The following DGKH variants were observed in gnomAD, a reference collection of about 807,000 sequenced individuals.
DGKH encodes DAG kinase eta.
A neutral mutation model predicts 159.3 loss-of-function variants in DGKH; 90 were observed. The observed-to-expected ratio is 0.57, with a 90% confidence interval of 0.48 to 0.67. The LOEUF (loss-of-function observed/expected upper bound fraction) is 0.67. Among genes scored for constraint, DGKH ranks in the 30% least tolerant of loss-of-function variants. The pLI is 0.00. For synonymous variants in DGKH, 536 were observed against 553.8 expected, an observed-to-expected ratio of 0.97 and a Z score of 0.45; for missense variants, 1,181 against 1,506.1, an observed-to-expected ratio of 0.78 and a Z score of 3.57.
Position 42,178,161 on chromosome 13 carries a change from A to G in DGKH, c.1479A>G (p.Ala493=). ...TGACGATTTATGAAGACTCAGTTGCAACGCATCTTACAAAAATCCTCAATT... is the reference window on the plus strand; with the variant it reads ...TGACGATTTATGAAGACTCAGTTGCGACGCATCTTACAAAAATCCTCAATT... ...FYMTIYEDSV[A]THLTKILNSD... The change falls in exon 13 of 30, where the codon GCA becomes GCG. Residue 493 remains alanine (A), a synonymous_variant. Transcript: ENST00000337343. 1 of 1,608,462 alleles carries G rather than the reference A, an allele frequency of 6.2e-7. No homozygotes were observed. The highest frequency in any genetic ancestry group is 1.1e-5 in the South Asian group (1 of 90,296).
chr13:42,040,665 C>T (rs1269512517), intron 1 of DGKH, among the ~76,000 whole-genome samples: 2 of 149,710 alleles, frequency 1.3e-5, no homozygotes, highest in South Asian at 2.1e-4. Context: ...GAGGAGGCGG[C>T]GGAGGAGGAA....
rs539766445 is a variant in DGKH at position 42,166,355 on chromosome 13, T to C, written c.959-160T>C. Reference sequence around the variant, plus strand: ...AACATAAGAATTACATACAAACATATAGGTTTGTATGTAAATAGTTAACCT... The same window carrying C: ...AACATAAGAATTACATACAAACATACAGGTTTGTATGTAAATAGTTAACCT... On this transcript the variant is annotated intron_variant, in intron 8 of 29. Coordinates refer to ENST00000337343, the MANE Select transcript of DGKH (RefSeq NM_178009.5). Among the ~76,000 whole-genome samples, 4 of 152,232 alleles carry C rather than the reference T, an allele frequency of 2.6e-5. No individual in the cohort carries two copies. In the East Asian group the frequency reaches 5.8e-4, roughly 22 times the overall value.
chr13:42,122,191 G>T (rs1352610715), intron 1 of DGKH, among the ~76,000 whole-genome samples: 1 of 152,170 alleles, frequency 6.6e-6, no homozygotes, highest in Non-Finnish European at 1.5e-5. Flanking sequence ...GAATGAGAGG[G>T]CATGAGTGCT....
At chr13:42,103,080 T>C (rs1386224980) in intron 1 of DGKH, among the ~76,000 whole-genome samples, 1 of 152,198 alleles carries the variant, frequency 6.6e-6, no homozygotes, top group Non-Finnish European at 1.5e-5. Flanking sequence ...ATTTTTTGCC[T>C]CCCTTTCCAG....
intron 1 of DGKH, among the ~76,000 whole-genome samples, chr13:42,064,785 A>C (rs906214609): frequency 6.6e-6 from 1 of 152,220 alleles, no homozygotes; most frequent in African/African-American, 2.4e-5. Context: ...TCATGTATGC[A>C]CAGCTGGGGG....
chr13:42,045,306 T>C (rs962056626), upstream of DGKH, among the ~76,000 whole-genome samples: 1 of 152,106 alleles, frequency 6.6e-6, no homozygotes, highest in Non-Finnish European at 1.5e-5. Flanking sequence ...GAGCAAGACT[T>C]TGTCTCTAAA....
chr13:42,117,663 A>G (rs1047466548), intron 1 of DGKH, among the ~76,000 whole-genome samples: 1 of 152,208 alleles, frequency 6.6e-6, no homozygotes, highest in Admixed American at 6.5e-5. Flanking sequence ...ACATCTTTAT[A>G]TATACACCAC....
chr13:42,057,226 A>C (rs1881830017), intron 1 of DGKH, among the ~76,000 whole-genome samples: 1 of 152,242 alleles, frequency 6.6e-6, no homozygotes, highest in Admixed American at 6.5e-5. Context: ...AGTGTTAAAA[A>C]GAATCATGTG....
intron 24 of DGKH, among the ~76,000 whole-genome samples, chr13:42,212,232 CTG>C (rs1566198875): frequency 1.3e-5 from 2 of 152,148 alleles, no homozygotes; most frequent in Non-Finnish European, 2.9e-5. Context: ...GATAACTAGA[CTG>C]TGTGAGATGT....
intron 1 of DGKH, among the ~76,000 whole-genome samples, chr13:42,122,199 G>C (rs909604540): frequency 1.3e-5 from 2 of 152,200 alleles, no homozygotes; most frequent in African/African-American, 4.8e-5. Flanking sequence ...GGGCATGAGT[G>C]CTTCATGATG....
intron 1 of DGKH, among the ~76,000 whole-genome samples, chr13:42,117,860 G>A (rs1033553290): frequency 1.3e-5 from 2 of 152,122 alleles, no homozygotes; most frequent in Admixed American, 6.5e-5. Context: ...ACCTTTGAGC[G>A]TTGTGTCCAT....
chr13:42,134,244 A>T (rs188302152), intron 3 of DGKH, among the ~76,000 whole-genome samples: 2 of 152,292 alleles, frequency 1.3e-5, no homozygotes, highest in Non-Finnish European at 2.9e-5. Flanking sequence ...TTGGTATTCA[A>T]TTGGTATGAA....
intron 1 of DGKH, among the ~76,000 whole-genome samples, chr13:42,110,118 A>G (rs978943583): frequency 3.3e-5 from 5 of 152,256 alleles, no homozygotes; most frequent in Non-Finnish European, 7.3e-5. Flanking sequence ...TTGAAATTCC[A>G]GAAAATAAGC....
intron 17 of DGKH, among the ~76,000 whole-genome samples, chr13:42,197,253 A>C (rs1957222932): frequency 2.6e-5 from 1 of 38,356 alleles, no homozygotes; most frequent in Non-Finnish European, 4.6e-5. Flanking sequence ...CTATCTCAAC[A>C]AAAAAAAAAA....
At position 42,234,483 on chromosome 13, in the gene DGKH, A is replaced by G. The variant is rs1488962412; in HGVS notation, c.*5295A>G. The stretch of plus-strand genomic sequence containing the variant: ...AGGATGTAGCCCTTAATTAAGCTGT[A>G]AAAACAATGCATCTCTCAACCTTGA... On this transcript the variant is annotated 3_prime_UTR_variant, in exon 30 of 30. Coordinates refer to ENST00000337343, the MANE Select transcript of DGKH (RefSeq NM_178009.5). 1 of 152,238 alleles carries G rather than the reference A, an allele frequency of 6.6e-6. No individual in the cohort carries two copies. The highest frequency in any genetic ancestry group is 1.5e-5 in the Non-Finnish European group (1 of 68,062). The allele number at this position is 152,238 out of a possible 1,614,324, so 9.4% of individuals were successfully genotyped here. A position where few individuals can be genotyped will look rare whatever the true frequency, so the allele number is the denominator to read the frequency against.
At chr13:42,057,956 G>C (rs1485603203) in intron 1 of DGKH, among the ~76,000 whole-genome samples, 1 of 152,014 alleles carries the variant, frequency 6.6e-6, no homozygotes, top group Non-Finnish European at 1.5e-5. Context: ...GAAGGGGGTT[G>C]GGGGGAACCA....
At chr13:42,170,858 G>A (rs528689988) in intron 11 of DGKH, among the ~76,000 whole-genome samples, 5 of 151,194 alleles carry the variant, frequency 3.3e-5, no homozygotes, top group South Asian at 2.1e-4. Flanking sequence ...CAGGAGAATC[G>A]CTTGAACCCG....
At position 42,219,304 on chromosome 13, in the gene DGKH, A is replaced by G; in HGVS notation, c.3288A>G (p.Thr1096=). Reference sequence around the variant, plus strand: ...TGGAGGTGGAATTACAGAAACTGACAGAGATTCCTTGGCTTTATTATATCT... The same window carrying G: ...TGGAGGTGGAATTACAGAAACTGACGGAGATTCCTTGGCTTTATTATATCT... ...HSVEVELQKL[T]EIPWLYYILH... Residue 1096 remains threonine (T), a synonymous_variant, in exon 27 of 30, where the codon ACA becomes ACG. Transcript: ENST00000337343. 3 of 1,614,002 alleles carry G rather than the reference A, an allele frequency of 1.9e-6. No homozygotes were observed. Among genetic ancestry groups the G allele is most frequent in the African/African-American group, 1.3e-5 (1 of 75,040 alleles).
chr13:42,106,637 A>T (rs952603588), intron 1 of DGKH, among the ~76,000 whole-genome samples: 3 of 152,340 alleles, frequency 2.0e-5, no homozygotes, highest in African/African-American at 7.2e-5. Flanking sequence ...GGGGTTAGGG[A>T]GATAAAGTTA....
Sources: allele counts gnomAD v4.1 joint callset (sites outside exome capture counted in the v4.1 genomes callset), GRCh38; gene constraint gnomAD v4.1.1; transcripts MANE v1.5; gene names NCBI Gene and HGNC (gene_info 2026-07-23, HGNC 2026-07-21).